LPCAT1: variants seen among roughly 807,000 people sequenced by gnomAD.
LPCAT1 encodes 1-acylglycerol-3-phosphate O-acyltransferase.
Under a neutral mutation model 60.9 loss-of-function variants are expected in LPCAT1, and 23 were observed. That is an observed-to-expected ratio of 0.38 (90% CI 0.27 to 0.53). The LOEUF (loss-of-function observed/expected upper bound fraction) is 0.53. Among genes scored for constraint, LPCAT1 ranks in the 20% least tolerant of loss-of-function variants. The pLI is 0.82. For missense variants in LPCAT1, 622 were observed against 723.6 expected, an observed-to-expected ratio of 0.86 and a Z score of 1.61; for synonymous variants, 340 against 301.1, an observed-to-expected ratio of 1.13 and a Z score of -1.34.
chr5:1,489,647 A>G, intron 4 of LPCAT1, 99 bp downstream of exon 4: 1 of 909,588 alleles, frequency 1.1e-6, no homozygotes, highest in Non-Finnish European at 1.8e-6. Flanking sequence ...ATCAGAATCC[A>G]GCCCCGGAGG....
chr5:1,518,881 C>T (rs936225875), intron 1 of LPCAT1, among the ~76,000 whole-genome samples: 2 of 152,234 alleles, frequency 1.3e-5, no homozygotes, highest in African/African-American at 4.8e-5. Flanking sequence ...AAGGAGGCGC[C>T]CTGGGTGTCA....
rs1259285748 is a variant in LPCAT1, at chr5:1,502,196, A to G, written c.136-593T>C. 1.3e-5 allele frequency among the ~76,000 whole-genome samples: 2 copies of G among 151,984 alleles called. No homozygotes were observed. The highest frequency in any genetic ancestry group is 4.8e-5 in the African/African-American group (2 of 41,378). On this transcript the variant is annotated intron_variant, in intron 1 of 13. Coordinates refer to ENST00000283415, the MANE Select transcript of LPCAT1 (RefSeq NM_024830.5). This position sits in a 1 kb window ranked among gnomAD's most constrained non-coding sequence, Gnocchi z 5.5. ...GCTTCCTCCTGCAAATTCAAGGGCCACTCTGACGCACAGCACACAACCCCA... is the reference window on the plus strand; with the variant it reads ...GCTTCCTCCTGCAAATTCAAGGGCCGCTCTGACGCACAGCACACAACCCCA...
chr5:1,514,192 C>T (rs1453545109), intron 1 of LPCAT1, among the ~76,000 whole-genome samples: 5 of 152,168 alleles, frequency 3.3e-5, no homozygotes, highest in African/African-American at 9.7e-5. Flanking sequence ...TCCTCGAGGC[C>T]GAGGGGAGGA....
chr5:1,464,748 A>C (rs1734265188), intron 13 of LPCAT1, among the ~76,000 whole-genome samples: 1 of 138,294 alleles, frequency 7.2e-6, no homozygotes, highest in South Asian at 2.3e-4. Context: ...AGACACACAC[A>C]CACAAAACAA....
intron 2 of LPCAT1, among the ~76,000 whole-genome samples, chr5:1,499,290 C>T (rs980354670): frequency 3.3e-5 from 5 of 152,094 alleles, no homozygotes; most frequent in South Asian, 2.1e-4. Context: ...ACAGAGGAGG[C>T]GGGGAGCTCG....
chr5:1,489,590 C>T (rs916423507), intron 4 of LPCAT1, among the ~76,000 whole-genome samples, 156 bp downstream of exon 4: 1 of 152,228 alleles, frequency 6.6e-6, no homozygotes, highest in Non-Finnish European at 1.5e-5. Flanking sequence ...AAACCAAATG[C>T]ACCTGACAGC....
chr5:1,497,218 C>T (rs1735827512), intron 2 of LPCAT1, among the ~76,000 whole-genome samples: 1 of 152,202 alleles, frequency 6.6e-6, no homozygotes, highest in Non-Finnish European at 1.5e-5. Context: ...ACTGTGGAGA[C>T]AAGCAACTCA....
At chr5:1,479,105 A>C (rs909450670) in intron 8 of LPCAT1, among the ~76,000 whole-genome samples, 1 of 152,242 alleles carries the variant, frequency 6.6e-6, no homozygotes, top group Non-Finnish European at 1.5e-5. Context: ...GGTTTAAAAA[A>C]TCCTTTCCAG....
chr5:1,465,038 AACAC>A (rs1340026792), intron 13 of LPCAT1, among the ~76,000 whole-genome samples: 1 of 141,196 alleles, frequency 7.1e-6, no homozygotes, highest in Admixed American at 7.0e-5. Flanking sequence ...AGGCACACTA[AACAC>A]ACATGCGCAC....
chr5:1,477,549 C>G lies in LPCAT1; in HGVS notation c.817-63G>C. On this transcript the variant is annotated intron_variant, in intron 8 of 13. Coordinates refer to ENST00000283415, the MANE Select transcript of LPCAT1 (RefSeq NM_024830.5). The surrounding 1 kb of genome is among the most constrained non-coding windows in gnomAD (Gnocchi z 6.0). ...GCTGACCTCAGCAACACCACTGTAA[C>G]GACAACTGGGAGGCTGACAAAATTA... 1.6e-6 allele frequency: 2 copies of G among 1,234,328 alleles called. No individual in the cohort carries two copies. Among genetic ancestry groups the G allele is most frequent in the Non-Finnish European group, 2.3e-6 (2 of 851,852 alleles). 76.5% of individuals were successfully genotyped at this position (1,234,328 alleles called of 1,614,324 possible).
chr5:1,508,437 G>A (rs1736251721), intron 1 of LPCAT1, among the ~76,000 whole-genome samples: 1 of 152,144 alleles, frequency 6.6e-6, no homozygotes, highest in Non-Finnish European at 1.5e-5. Context: ...GAGCCAACCT[G>A]CCTGGTGTCC....
In LPCAT1 at chr5:1,483,107, T is replaced by A. The variant is rs1735224524; in HGVS notation, c.726+321A>T. Among the ~76,000 whole-genome samples, 1 of 152,150 alleles carries A rather than the reference T, an allele frequency of 6.6e-6. No homozygotes were observed. Among genetic ancestry groups the A allele is most frequent in the Admixed American group, 6.5e-5 (1 of 15,280 alleles). On this transcript the variant is annotated intron_variant, in intron 6 of 13. Coordinates refer to ENST00000283415, the MANE Select transcript of LPCAT1 (RefSeq NM_024830.5). The surrounding 1 kb of genome is among the most constrained non-coding windows in gnomAD (Gnocchi z 9.2). ...GGGTTCCCTCTCCAAAATGTCAGGT[T>A]TGGCACACAGAGGAAAGGGCAGCTT...
chr5:1,505,136 T>C (rs1736143106), intron 1 of LPCAT1, among the ~76,000 whole-genome samples: 1 of 149,302 alleles, frequency 6.7e-6, no homozygotes, highest in Non-Finnish European at 1.5e-5. Context: ...ACGCTGTTCC[T>C]GAAACAGCAC....
rs1414939485 is a variant in LPCAT1, at chr5:1,496,611, C to CT, written c.279-1698dup. On this transcript the variant is annotated intron_variant, in intron 2 of 13. Coordinates refer to ENST00000283415, the MANE Select transcript of LPCAT1 (RefSeq NM_024830.5). This position sits in a 1 kb window ranked among gnomAD's most constrained non-coding sequence, Gnocchi z 4.7. ...AAAAGGGATTAAAACCCGGGCGGCC[C>CT]TTAGAGGAACACACCTGCCAGCCCC... 6.6e-6 allele frequency among the ~76,000 whole-genome samples: 1 copy of CT among 152,048 alleles called. No homozygotes were observed. The highest frequency in any genetic ancestry group is 1.5e-5 in the Non-Finnish European group (1 of 68,000).
chr5:1,480,223 T>G lies in LPCAT1; in HGVS notation c.762-548A>C. On this transcript the variant is annotated intron_variant, in intron 7 of 13. Coordinates refer to ENST00000283415, the MANE Select transcript of LPCAT1 (RefSeq NM_024830.5). This position sits in a 1 kb window ranked among gnomAD's most constrained non-coding sequence, Gnocchi z 6.4. ...TAGGCCCCCGGGACCCCAGAACCCC[T>G]ATACCCCCCAGAGCCCCCTCCCAGC... The G allele has an allele frequency of 9.7e-4, 182 of 188,294 alleles. No individual in the cohort carries two copies. Among genetic ancestry groups the G allele is most frequent in the Non-Finnish European group, 1.3e-3 (167 of 126,618 alleles). The allele number at this position is 188,294 out of a possible 1,614,324, so 11.7% of individuals were successfully genotyped here.
chr5:1,473,591 G>A (rs528664781), intron 11 of LPCAT1, among the ~76,000 whole-genome samples: 56 of 152,328 alleles, frequency 3.7e-4, no homozygotes, highest in African/African-American at 1.3e-3. Flanking sequence ...GAGGACGGGC[G>A]TGTTATTAGA....
chr5:1,516,988 T>A (rs1403956840), intron 1 of LPCAT1, among the ~76,000 whole-genome samples: 1 of 152,132 alleles, frequency 6.6e-6, no homozygotes, highest in Non-Finnish European at 1.5e-5. Context: ...GCAAAAAGTA[T>A]CCCCCAGGGT....
intron 13 of LPCAT1, among the ~76,000 whole-genome samples, chr5:1,466,372 G>A (rs991404206): frequency 9.9e-5 from 15 of 152,068 alleles, no homozygotes; most frequent in African/African-American, 3.6e-4. Flanking sequence ...CCCAGGAGAG[G>A]GGGGATGTGA....
chr5:1,484,253 C>T (rs1351599119), intron 5 of LPCAT1, among the ~76,000 whole-genome samples: 4 of 152,268 alleles, frequency 2.6e-5, no homozygotes, highest in African/African-American at 4.8e-5. Context: ...CCCGTTCCCA[C>T]TGGAATTGTG....
Sources: gnomAD v4.1 joint callset for allele counts (sites outside exome capture counted in the v4.1 genomes callset) on GRCh38, gnomAD v4.1.1 for gene constraint, Gnocchi (gnomAD v3.1) non-coding constraint, MANE v1.5 for transcripts, NCBI Gene and HGNC (gene_info 2026-07-23, HGNC 2026-07-21) for gene names.